SAMD3: variants seen among roughly 807,000 people sequenced by gnomAD.
The protein encoded by SAMD3 is sterile alpha motif domain containing 3.
A neutral mutation model predicts 58.5 loss-of-function variants in SAMD3; 63 were observed. The ratio of observed to expected loss-of-function variants is 1.08; its 90% CI spans 0.88 to 1.33. SAMD3 has a LOEUF of 1.33. SAMD3 is among the 40% of genes most tolerant of loss of function. SAMD3 has a pLI of 0.00. For missense variants in SAMD3, 604 were observed against 608.4 expected, an observed-to-expected ratio of 0.99 and a Z score of 0.08; for synonymous variants, 220 against 210.3, an observed-to-expected ratio of 1.05 and a Z score of -0.40.
chr6:130,342,239 G>A (rs1777296986), intron 1 of SAMD3, among the ~76,000 whole-genome samples: 1 of 152,188 alleles, frequency 6.6e-6, no homozygotes, highest in Admixed American at 6.5e-5. Context: ...TTAAGAACTA[G>A]AGATTTAAAG....
rs11378267 is a variant in SAMD3, at chr6:130,292,265, TTC to T, written c.-188+20711_-188+20712del. On this transcript the variant is annotated intron_variant, in intron 2 of 13. Coordinates refer to the SAMD3 transcript ENST00000368134. Reference sequence around the variant, plus strand: ...TTCTCAGGAATAACTTTTTTTTTCTTTCTTTCTTTTTTTTTTTTTTTTGAGAC... The same window carrying T: ...TTCTCAGGAATAACTTTTTTTTTCTTTTTCTTTTTTTTTTTTTTTTGAGAC... Among the ~76,000 whole-genome samples the T allele has an allele frequency of 3.8e-4, 40 of 103,970 alleles. No individual in the cohort carries two copies. The South Asian group carries it at 4.6e-3, about 12-fold the overall frequency. 68.2% of individuals were successfully genotyped at this position (103,970 alleles called of 152,430 possible). A position where few individuals can be genotyped will look rare whatever the true frequency, so the allele number is the denominator to read the frequency against.
chr6:130,174,604 C>T (rs1314844134), intron 8 of SAMD3, among the ~76,000 whole-genome samples: 1 of 152,198 alleles, frequency 6.6e-6, no homozygotes, highest in Non-Finnish European at 1.5e-5. Context: ...GGAGCTGTTC[C>T]TATTCGGCCA....
chr6:130,270,877 T>C (rs1002601024), intron 2 of SAMD3, among the ~76,000 whole-genome samples: 1 of 152,244 alleles, frequency 6.6e-6, no homozygotes, highest in Admixed American at 6.5e-5. Context: ...ACTGTATGAA[T>C]ATATCTGTGG....
chr6:130,238,905 CCCA>C (rs1411611224), intron 2 of SAMD3, among the ~76,000 whole-genome samples: 3 of 152,168 alleles, frequency 2.0e-5, no homozygotes, highest in African/African-American at 4.8e-5. Flanking sequence ...ATTACAGGTG[CCCA>C]CCACCACACC....
At chr6:130,249,939 T>C (rs1432695045) in intron 2 of SAMD3, among the ~76,000 whole-genome samples, 1 of 152,194 alleles carries the variant, frequency 6.6e-6, no homozygotes, top group Admixed American at 6.5e-5. Flanking sequence ...AGATACAAGC[T>C]TTATGGTAAC....
intron 2 of SAMD3, among the ~76,000 whole-genome samples, chr6:130,260,406 T>TTG (rs1774079903): frequency 2.0e-5 from 3 of 152,218 alleles, no homozygotes; most frequent in Non-Finnish European, 4.4e-5. Flanking sequence ...GCAGCCCCTG[T>TTG]CACGTACCTC....
chr6:130,355,360 G>T (rs780409786), intron 1 of SAMD3, among the ~76,000 whole-genome samples: 2 of 152,152 alleles, frequency 1.3e-5, no homozygotes, highest in African/African-American at 2.4e-5. Flanking sequence ...TGAGGCGGAG[G>T]TTGCAATGAG....
At chr6:130,215,927 C>T in intron 2 of SAMD3, 1 of 1,213,310 alleles carries the variant, frequency 8.2e-7, no homozygotes, top group Non-Finnish European at 1.2e-6. Context: ...CCTTCCAATA[C>T]TATTCTTACA....
intron 2 of SAMD3, among the ~76,000 whole-genome samples, chr6:130,306,744 G>A (rs1446143623): frequency 2.6e-5 from 4 of 152,148 alleles, no homozygotes; most frequent in Non-Finnish European, 5.9e-5. Flanking sequence ...AGACATCACA[G>A]TATCAAGATT....
intron 1 of SAMD3, among the ~76,000 whole-genome samples, chr6:130,317,424 TATG>T (rs1170995946): frequency 6.6e-6 from 1 of 152,200 alleles, no homozygotes; most frequent in Non-Finnish European, 1.5e-5. Flanking sequence ...TATTATGATA[TATG>T]ATACTATGTA....
intron 8 of SAMD3, among the ~76,000 whole-genome samples, chr6:130,166,851 C>A (rs1455636789): frequency 6.6e-6 from 1 of 152,184 alleles, no homozygotes; most frequent in Non-Finnish European, 1.5e-5. Context: ...TTAGTCTCAG[C>A]AGCATTTTGA....
intron 2 of SAMD3, among the ~76,000 whole-genome samples, chr6:130,247,076 A>G (rs1773572433): frequency 6.6e-6 from 1 of 152,202 alleles, no homozygotes; most frequent in Non-Finnish European, 1.5e-5. Flanking sequence ...TGTCTAGAGC[A>G]AGAAGTGAAT....
chr6:130,323,802 CAAAAAA>C (rs766078214), intron 1 of SAMD3, among the ~76,000 whole-genome samples: 2 of 53,544 alleles, frequency 3.7e-5, no homozygotes, highest in African/African-American at 1.7e-4. Flanking sequence ...GACTCTGTCT[CAAAAAA>C]AAAAAAAAAA....
chr6:130,328,137 C>A (rs1000135352), intron 1 of SAMD3, among the ~76,000 whole-genome samples: 2 of 152,136 alleles, frequency 1.3e-5, no homozygotes. Context: ...TCATGTGAGA[C>A]CCTGGAAGTG....
At chr6:130,363,633 T>C (rs1778048705) in intron 1 of SAMD3, among the ~76,000 whole-genome samples, 1 of 152,188 alleles carries the variant, frequency 6.6e-6, no homozygotes, top group Non-Finnish European at 1.5e-5. Context: ...CACTTTGAAA[T>C]AGATACTTTG....
At chr6:130,250,124 G>A (rs1006776941) in intron 2 of SAMD3, among the ~76,000 whole-genome samples, 3 of 152,194 alleles carry the variant, frequency 2.0e-5, no homozygotes. Context: ...GTGTAGACTG[G>A]AATCACCAAC....
Position 130,209,591 on chromosome 6 carries a change from G to T in SAMD3, c.287C>A (p.Ser96Tyr). 6.2e-7 allele frequency: 1 copy of T among 1,612,268 alleles called. No homozygotes were observed. The highest frequency in any genetic ancestry group is 8.5e-7 in the Non-Finnish European group (1 of 1,178,334). Residue 96 changes from serine (S) to tyrosine (Y), a missense_variant, in exon 5 of 12, where the codon TCC becomes TAC. Physicochemically the swap from Ser to Tyr is moderately radical, Grantham distance 144. Coordinates refer to ENST00000439090, the MANE Select transcript of SAMD3 (RefSeq NM_001017373.4). ...CTCCCCATGCCTGGCTGGACTGGAG[G>T]ACTCTTCATCCCTGTAACTAAGAAA... ...EAARDYRDEE[S>Y]SSPARHGEQM... is the part of the protein sequence containing the mutation.
intron 5 of SAMD3, among the ~76,000 whole-genome samples, chr6:130,203,268 AT>A (rs5880009): frequency 0.76 from 115,930 of 152,052 alleles, 44,364 homozygotes; most frequent in Middle Eastern, 0.82. Context: ...GCTCCTAAGC[AT>A]TTTTTTCATA....
chr6:130,286,390 A>T (rs1379967091), intron 2 of SAMD3: 2 of 152,240 alleles, frequency 1.3e-5, no homozygotes, highest in Admixed American at 6.5e-5. Flanking sequence ...GACAGACTGG[A>T]GACATGGGAT....
Sources: allele counts gnomAD v4.1 joint callset (sites outside exome capture counted in the v4.1 genomes callset), GRCh38; gene constraint gnomAD v4.1.1; transcripts MANE v1.5; gene names NCBI Gene and HGNC (gene_info 2026-07-23, HGNC 2026-07-21).